Variants in DNAH7 observed in about 807,000 individuals in gnomAD.
DNAH7 encodes axonemal beta dynein heavy chain 7.
Under a neutral mutation model 444.6 loss-of-function variants are expected in DNAH7, and 397 were observed. The ratio of observed to expected loss-of-function variants is 0.89; its 90% CI spans 0.82 to 0.97. The LOEUF (loss-of-function observed/expected upper bound fraction) is 0.97. Among genes scored for constraint, DNAH7 ranks in the 50% least tolerant of loss-of-function variants. DNAH7 has a pLI of 0.00. For synonymous variants in DNAH7, 1,636 were observed against 1,624.4 expected (o/e 1.01, Z -0.17); for missense variants, 4,902 against 4,800.8 (o/e 1.02, Z -0.62).
chr2:195,920,215 A>G (rs1687941684), intron 24 of DNAH7, among the ~76,000 whole-genome samples: 1 of 152,206 alleles, frequency 6.6e-6, no homozygotes, highest in Non-Finnish European at 1.5e-5. Flanking sequence ...AAAAAATCCT[A>G]AAATTCATAT....
intron 1 of DNAH7, among the ~76,000 whole-genome samples, chr2:196,066,318 T>C (rs1002961429): frequency 3.3e-5 from 5 of 152,268 alleles, no homozygotes; most frequent in African/African-American, 7.2e-5. Context: ...GTTATCACCA[T>C]GCTGTTGGTC....
chr2:196,022,688 C>A (rs1044746868), intron 8 of DNAH7, among the ~76,000 whole-genome samples: 1 of 152,170 alleles, frequency 6.6e-6, no homozygotes, highest in African/African-American at 2.4e-5. Flanking sequence ...AGTCTTGAGC[C>A]ACTCAAAGTC....
intron 63 of DNAH7, among the ~76,000 whole-genome samples, chr2:195,741,960 TG>T (rs1476653837): frequency 6.6e-6 from 1 of 152,200 alleles, no homozygotes; most frequent in African/African-American, 2.4e-5. Flanking sequence ...TGGCCACATG[TG>T]GATAATTTAA....
chr2:195,852,909 CACACACAG>C (rs1169393793), intron 46 of DNAH7, among the ~76,000 whole-genome samples: 12 of 125,924 alleles, frequency 9.5e-5, no homozygotes, highest in African/African-American at 3.0e-4. Flanking sequence ...CACACACACA[CACACACAG>C]AGAGAGAGAG....
chr2:196,004,536 C>T (rs1235056254), intron 10 of DNAH7, among the ~76,000 whole-genome samples: 1 of 152,030 alleles, frequency 6.6e-6, no homozygotes, highest in Admixed American at 6.5e-5. Context: ...AATAAGAAAT[C>T]ATAAGGGAAA....
chr2:195,931,457 T>A (rs893073459), intron 21 of DNAH7, among the ~76,000 whole-genome samples: 3 of 152,066 alleles, frequency 2.0e-5, no homozygotes. Context: ...TTGGCTTTTG[T>A]TGCCATTGCT....
chr2:196,060,220 A>AAAAAAG (rs1415944317), intron 1 of DNAH7, among the ~76,000 whole-genome samples: 3 of 152,200 alleles, frequency 2.0e-5, no homozygotes, highest in African/African-American at 7.2e-5. Context: ...ACTGTCTCAA[A>AAAAAAG]AAAAAGAAAA....
intron 13 of DNAH7, 114 bp downstream of exon 13, chr2:195,987,843 T>G: frequency 9.4e-7 from 1 of 1,058,728 alleles, no homozygotes; most frequent in East Asian, 2.5e-5. Flanking sequence ...CAATAAATAT[T>G]TTTCCTGTTG....
chr2:195,771,062 C>T (rs538520408), intron 61 of DNAH7, among the ~76,000 whole-genome samples: 2 of 151,908 alleles, frequency 1.3e-5, no homozygotes, highest in South Asian at 4.2e-4. Flanking sequence ...TGGCTCACAC[C>T]TATAGTCCCT....
intron 12 of DNAH7, among the ~76,000 whole-genome samples, chr2:195,998,498 C>T (rs1257458004): frequency 1.3e-5 from 2 of 151,074 alleles, no homozygotes; most frequent in African/African-American, 4.9e-5. Flanking sequence ...ATGGTGTGAA[C>T]CAAGGAGGCA....
chr2:195,817,573 C>G, intron 50 of DNAH7, 123 bp downstream of exon 50: 1 of 1,024,934 alleles, frequency 9.8e-7, no homozygotes, highest in Non-Finnish European at 1.3e-6. Flanking sequence ...TTACATTTTC[C>G]TGTTATATTT....
chr2:195,835,902 T>C (rs114087605), intron 47 of DNAH7, among the ~76,000 whole-genome samples: 3,435 of 152,248 alleles, frequency 0.023, 56 homozygotes, highest in Non-Finnish European at 0.03. Context: ...AAAATAGTTT[T>C]CTTATCCTCC....
At chr2:196,041,101 T>C (rs960968966) in intron 5 of DNAH7, among the ~76,000 whole-genome samples, 2 of 151,940 alleles carry the variant, frequency 1.3e-5, no homozygotes, top group Non-Finnish European at 2.9e-5. Flanking sequence ...TTGGAAAAAT[T>C]ATTATTGTTA....
intron 25 of DNAH7, among the ~76,000 whole-genome samples, chr2:195,907,720 C>A (rs950028179): frequency 6.6e-6 from 1 of 152,038 alleles, no homozygotes; most frequent in Non-Finnish European, 1.5e-5. Context: ...TAAGGCTATA[C>A]CATATGAGAT....
intron 56 of DNAH7, chr2:195,796,016 T>C (rs770125022): frequency 2.6e-5 from 4 of 152,828 alleles, no homozygotes; most frequent in Non-Finnish European, 5.8e-5. Flanking sequence ...GTTTACTCAG[T>C]TGAGCTACAT....
intron 29 of DNAH7, 21 bp downstream of exon 29, chr2:195,897,646 T>C (rs2125250818): frequency 3.6e-6 from 5 of 1,384,318 alleles, no homozygotes; most frequent in Non-Finnish European, 5.0e-6. Context: ...TTTGATGCAT[T>C]GGGATAATGA....
At chr2:195,742,045 T>C (rs1574345922) in intron 63 of DNAH7, among the ~76,000 whole-genome samples, 1 of 152,214 alleles carries the variant, frequency 6.6e-6, no homozygotes, top group Non-Finnish European at 1.5e-5. Flanking sequence ...CGTCGGAATA[T>C]AGTATCAGTT....
At chr2:195,935,345 G>T (rs576441548) in intron 20 of DNAH7, among the ~76,000 whole-genome samples, 66 of 152,228 alleles carry the variant, frequency 4.3e-4, no homozygotes, top group Non-Finnish European at 7.2e-4. Flanking sequence ...CCAATAACCC[G>T]TTGCATTCAT....
At chr2:195,750,394 C>T (rs1055975258) in intron 63 of DNAH7, among the ~76,000 whole-genome samples, 2 of 152,160 alleles carry the variant, frequency 1.3e-5, no homozygotes, top group Admixed American at 6.5e-5. Context: ...ACATATAACC[C>T]TGAAAGACAT....
Sources: gnomAD v4.1 joint callset for allele counts (sites outside exome capture counted in the v4.1 genomes callset) on GRCh38, gnomAD v4.1.1 for gene constraint, MANE v1.5 for transcripts, NCBI Gene and HGNC (gene_info 2026-07-23, HGNC 2026-07-21) for gene names.